Variants in RAPGEF4 observed in about 807,000 individuals in gnomAD.
RAPGEF4 encodes RAP guanine-nucleotide-exchange factor (GEF) 4.
A neutral mutation model predicts 147.9 loss-of-function variants in RAPGEF4; 66 were observed. That is an observed-to-expected ratio of 0.45 (90% CI 0.37 to 0.55). RAPGEF4 has a LOEUF of 0.55. RAPGEF4 is among the 20% of genes least tolerant of loss of function. The probability of loss-of-function intolerance (pLI) is 0.00; values close to 1 mark genes in which losing one functional copy is unlikely to be tolerated. For synonymous variants in RAPGEF4, 419 were observed against 442.7 expected (o/e 0.95, Z 0.67); for missense variants, 1,071 against 1,257.3 (o/e 0.85, Z 2.24).
chr2:172,814,517 G>T (rs753921904), intron 4 of RAPGEF4, 92 bp downstream of exon 4: 1 of 1,459,790 alleles, frequency 6.9e-7, no homozygotes, highest in African/African-American at 1.4e-5. Context: ...AAGCCTTAAT[G>T]TGTTCTGTTC....
intron 6 of RAPGEF4, among the ~76,000 whole-genome samples, chr2:172,926,031 G>C (rs1413712994): frequency 1.6e-5 from 1 of 61,974 alleles, no homozygotes; most frequent in Non-Finnish European, 3.3e-5. Flanking sequence ...GGGAGGGAGG[G>C]ACGGAGGGAG....
rs187625992 is a variant in RAPGEF4 at position 172,983,116 on chromosome 2, A to T, written c.1005-380A>T. On this transcript the variant is annotated intron_variant, in intron 10 of 30. Transcript: ENST00000397081. ...GATCAGTTGTCAAGTTGATTATACC[A>T]ATTGTTTCTAGTGGTGTTAAAAGAC... 1.8e-3 allele frequency among the ~76,000 whole-genome samples: 273 copies of T among 152,326 alleles called. 2 individuals carry two copies. The highest frequency in any genetic ancestry group is 6.4e-3 in the African/African-American group (265 of 41,572).
chr2:172,824,066 G>C (rs750239291), intron 4 of RAPGEF4, among the ~76,000 whole-genome samples: 2 of 152,304 alleles, frequency 1.3e-5, no homozygotes, highest in African/African-American at 4.8e-5. Flanking sequence ...AAAGAAGGGA[G>C]AGCCACAAAT....
intron 1 of RAPGEF4, among the ~76,000 whole-genome samples, chr2:172,738,488 G>T (rs1559014817): frequency 6.6e-6 from 1 of 152,150 alleles, no homozygotes. Flanking sequence ...TAGGTGTCCT[G>T]CCTAGAACTC....
chr2:172,943,950 G>A (rs957884023), intron 6 of RAPGEF4, among the ~76,000 whole-genome samples: 1 of 152,184 alleles, frequency 6.6e-6, no homozygotes, highest in African/African-American at 2.4e-5. Context: ...ACTTGAGTAA[G>A]AAGAAGCAAT....
chr2:172,798,704 T>C (rs1686654316), intron 3 of RAPGEF4, among the ~76,000 whole-genome samples: 1 of 148,690 alleles, frequency 6.7e-6, no homozygotes, highest in East Asian at 2.0e-4. Flanking sequence ...ATTTGAGGTT[T>C]ACATTTTTTA....
intron 5 of RAPGEF4, among the ~76,000 whole-genome samples, chr2:172,918,240 C>A (rs1684299737): frequency 7.1e-6 from 1 of 140,452 alleles, no homozygotes; most frequent in Admixed American, 8.0e-5. Flanking sequence ...GAGAGCCCCA[C>A]CTCTTGCTTT....
intron 4 of RAPGEF4, 128 bp downstream of exon 4, chr2:172,814,553 T>C: frequency 8.3e-7 from 1 of 1,205,576 alleles, no homozygotes; most frequent in Non-Finnish European, 1.2e-6. Context: ...AATTTAATTT[T>C]CAAAACTTGT....
At chr2:172,977,282 AT>A (rs956988478) in intron 10 of RAPGEF4, among the ~76,000 whole-genome samples, 18 of 151,748 alleles carry the variant, frequency 1.2e-4, no homozygotes, top group East Asian at 1.9e-4. Context: ...TCTCTTCTCC[AT>A]TTTTTTTCCC....
At position 172,821,500 on chromosome 2, in the gene RAPGEF4, C is replaced by T. The variant is rs979393202; in HGVS notation, c.444+7075C>T. The T allele has an allele frequency of 3.5e-5, 29 of 823,028 alleles. No individual in the cohort carries two copies. In the African/African-American group the frequency reaches 4.3e-4, roughly 12 times the overall value. The allele number at this position is 823,028 out of a possible 1,614,324, so 51.0% of individuals were successfully genotyped here. A position where few individuals can be genotyped will look rare whatever the true frequency, so the allele number is the denominator to read the frequency against. On this transcript the variant is annotated intron_variant, in intron 4 of 30. Coordinates refer to ENST00000397081, the MANE Select transcript of RAPGEF4 (RefSeq NM_007023.4). Reference sequence around the variant, plus strand: ...TAAGAAAAATATATCCAAAAATAAACATGAAAGCCAAGACTTCATGCCAGG... The same window carrying T: ...TAAGAAAAATATATCCAAAAATAAATATGAAAGCCAAGACTTCATGCCAGG...
chr2:172,946,271 A>C (rs1427573237), intron 6 of RAPGEF4, among the ~76,000 whole-genome samples: 1 of 152,230 alleles, frequency 6.6e-6, no homozygotes, highest in African/African-American at 2.4e-5. Context: ...ACAGGGGCTG[A>C]ATATTAATAT....
chr2:172,792,897 G>T (rs907089537), intron 1 of RAPGEF4, among the ~76,000 whole-genome samples: 2 of 152,126 alleles, frequency 1.3e-5, no homozygotes, highest in Admixed American at 1.3e-4. Context: ...TGTGGCTATG[G>T]CATGTAAAAC....
chr2:173,015,233 T>C (rs1227072401), intron 18 of RAPGEF4, among the ~76,000 whole-genome samples: 1 of 152,230 alleles, frequency 6.6e-6, no homozygotes, highest in Non-Finnish European at 1.5e-5. Context: ...AATGGTAGGC[T>C]GTGAAAGTGG....
intron 1 of RAPGEF4, chr2:172,736,297 A>G: frequency 3.3e-6 from 1 of 301,980 alleles, no homozygotes; most frequent in Non-Finnish European, 6.0e-6. Flanking sequence ...GGGAGAGAGC[A>G]CCCACCTCTC....
intron 4 of RAPGEF4, among the ~76,000 whole-genome samples, chr2:172,916,016 A>G (rs963329618): frequency 6.6e-6 from 1 of 152,196 alleles, no homozygotes; most frequent in Admixed American, 6.5e-5. Context: ...CACTGTACAT[A>G]GTAGATGCTC....
At position 172,946,536 on chromosome 2, in the gene RAPGEF4, A is replaced by T. The variant is rs559783970; in HGVS notation, c.538-14224A>T. 4.7e-4 allele frequency among the ~76,000 whole-genome samples: 72 copies of T among 152,284 alleles called. 1 individual carries two copies. In the South Asian group the frequency reaches 0.015, roughly 31 times the overall value. ...CCTCCCAACTCCAGCTGTAGGCTAC[A>T]GCCAGACTAGGGGACTCACAATGCC... On this transcript the variant is annotated intron_variant, in intron 6 of 30. Transcript: ENST00000397081.
intron 1 of RAPGEF4, among the ~76,000 whole-genome samples, chr2:172,738,806 T>A (rs1694043857): frequency 6.6e-6 from 1 of 151,968 alleles, no homozygotes; most frequent in South Asian, 2.1e-4. Flanking sequence ...GTGACAACTG[T>A]TGTGGATGGT....
intron 6 of RAPGEF4, among the ~76,000 whole-genome samples, chr2:172,952,290 C>T (rs1457908702): frequency 1.3e-5 from 2 of 152,140 alleles, no homozygotes; most frequent in African/African-American, 2.4e-5. Context: ...AAAATCTTAA[C>T]ATTTGTTTTA....
chr2:172,841,795 C>G (rs1691629219), intron 4 of RAPGEF4, among the ~76,000 whole-genome samples: 1 of 135,182 alleles, frequency 7.4e-6, no homozygotes, highest in African/African-American at 2.8e-5. Context: ...CTGAATAACA[C>G]ACACACACAC....
Sources: allele counts gnomAD v4.1 joint callset (sites outside exome capture counted in the v4.1 genomes callset), GRCh38; gene constraint gnomAD v4.1.1; transcripts MANE v1.5; gene names NCBI Gene and HGNC (gene_info 2026-07-23, HGNC 2026-07-21).